Variants in HGF observed in about 807,000 individuals in gnomAD.
The protein encoded by HGF is fibroblast-derived tumor cytotoxic factor.
A neutral mutation model predicts 111.6 loss-of-function variants in HGF; 39 were observed. The ratio of observed to expected loss-of-function variants is 0.35; its 90% CI spans 0.27 to 0.46. The LOEUF (loss-of-function observed/expected upper bound fraction) is 0.46, where lower values mean the gene tolerates loss of function less well. Ranked by LOEUF, HGF falls within the 20% of genes least tolerant of loss-of-function variation. The pLI is 1.00. For synonymous variants in HGF, 285 were observed against 294.8 expected (o/e 0.97, Z 0.34); for missense variants, 735 against 910.5 (o/e 0.81, Z 2.48).
chr7:81,714,055 T>G (rs1047566935), intron 11 of HGF, among the ~76,000 whole-genome samples: 2 of 151,516 alleles, frequency 1.3e-5, no homozygotes, highest in African/African-American at 4.8e-5. Context: ...AACATGGACT[T>G]TTTCTGAAAA....
At chr7:81,717,165 C>T (rs1583930984) in intron 11 of HGF, 67 bp downstream of exon 11, 3 of 1,520,230 alleles carry the variant, frequency 2.0e-6, no homozygotes, top group Non-Finnish European at 1.8e-6. Context: ...ATATTATTTA[C>T]AACTTTTAGA....
chr7:81,763,844 C>G (rs1005886091), intron 1 of HGF, among the ~76,000 whole-genome samples: 1 of 152,082 alleles, frequency 6.6e-6, no homozygotes, highest in Admixed American at 6.6e-5. Context: ...AGGATACATT[C>G]ATTTTTCAGC....
intron 7 of HGF, among the ~76,000 whole-genome samples, chr7:81,731,770 A>G (rs1247767756): frequency 4.6e-5 from 7 of 152,206 alleles, no homozygotes; most frequent in Non-Finnish European, 8.8e-5. Context: ...TATATTTCAT[A>G]TCTAGTTATA....
intron 9 of HGF, among the ~76,000 whole-genome samples, chr7:81,721,488 T>G (rs1789861183): frequency 6.6e-6 from 1 of 152,220 alleles, no homozygotes; most frequent in Non-Finnish European, 1.5e-5. Flanking sequence ...CATTTTCTTC[T>G]GAAAAATTTC....
At chr7:81,723,814 A>G (rs1214395242) in intron 9 of HGF, among the ~76,000 whole-genome samples, 1 of 151,032 alleles carries the variant, frequency 6.6e-6, no homozygotes, top group Non-Finnish European at 1.5e-5. Context: ...AGATAGATAT[A>G]CACACATATA....
At chr7:81,749,600 CTT>C (rs1250003819) in intron 5 of HGF, among the ~76,000 whole-genome samples, 2 of 152,008 alleles carry the variant, frequency 1.3e-5, no homozygotes, top group Admixed American at 6.6e-5. Flanking sequence ...CATCTAGTCT[CTT>C]AGCATTTTTT....
At chr7:81,757,902 T>C (rs1475949605) in intron 3 of HGF, among the ~76,000 whole-genome samples, 2 of 152,058 alleles carry the variant, frequency 1.3e-5, no homozygotes, top group Admixed American at 6.6e-5. Flanking sequence ...AATGGTGTTA[T>C]ACTAGATCAT....
intron 1 of HGF, among the ~76,000 whole-genome samples, chr7:81,763,812 C>T (rs5745622): frequency 0.023 from 3,542 of 152,204 alleles, 123 homozygotes; most frequent in African/African-American, 0.081. Flanking sequence ...TCTTTTCAAA[C>T]ATGCTTATAC....
intron 1 of HGF, among the ~76,000 whole-genome samples, chr7:81,763,168 A>G (rs1789185293): frequency 6.6e-6 from 1 of 152,154 alleles, no homozygotes; most frequent in African/African-American, 2.4e-5. Context: ...ATAACATGAT[A>G]TTTTCCAAAC....
chr7:81,758,640 C>T lies in HGF; in HGVS notation c.367+52G>A, dbSNP rs1788902843. On this transcript the variant is annotated intron_variant, in intron 3 of 17. Coordinates refer to ENST00000222390, the MANE Select transcript of HGF (RefSeq NM_000601.6). ...ACTCTGGCAGGAAATTACAAACATA[C>T]ATTTCATTATACTTTATTTCATTAT... is the stretch of plus-strand genomic sequence containing the variant. 8.2e-6 allele frequency: 9 copies of T among 1,093,210 alleles called. No individual in the cohort carries two copies. In the East Asian group the frequency reaches 2.1e-4, roughly 26 times the overall value. 67.7% of individuals were successfully genotyped at this position (1,093,210 alleles called of 1,614,324 possible).
chr7:81,731,610 G>T (rs1787659330), intron 7 of HGF, among the ~76,000 whole-genome samples: 1 of 152,020 alleles, frequency 6.6e-6, no homozygotes, highest in South Asian at 2.1e-4. Flanking sequence ...AGGTCCTAAG[G>T]AACTATATTT....
intron 7 of HGF, among the ~76,000 whole-genome samples, chr7:81,730,408 T>C (rs1787607292): frequency 6.6e-6 from 1 of 152,204 alleles, no homozygotes; most frequent in Non-Finnish European, 1.5e-5. Flanking sequence ...TGAGCCAAGA[T>C]CGTGCCATTG....
intron 11 of HGF, 44 bp from the exon 12 acceptor site, chr7:81,711,563 A>T (rs1789571077): frequency 1.2e-6 from 1 of 831,238 alleles, no homozygotes; most frequent in South Asian, 1.5e-5. Context: ...TCATATATGC[A>T]TATATCTGTT....
At chr7:81,707,571 G>C (rs1183737679) in intron 13 of HGF, among the ~76,000 whole-genome samples, 1 of 152,052 alleles carries the variant, frequency 6.6e-6, no homozygotes, top group Non-Finnish European at 1.5e-5. Context: ...TTCATAATGT[G>C]ACTATAAATT....
At chr7:81,769,040 C>T (rs5745616) in intron 1 of HGF, among the ~76,000 whole-genome samples, 35,339 of 152,052 alleles carry the variant, frequency 0.23, 4,205 homozygotes, top group South Asian at 0.36. Flanking sequence ...TATTCCCCTG[C>T]GCCTACCCTT....
At chr7:81,739,191 T>A (rs1407095153) in intron 7 of HGF, among the ~76,000 whole-genome samples, 1 of 152,184 alleles carries the variant, frequency 6.6e-6, no homozygotes, top group Non-Finnish European at 1.5e-5. Context: ...AACCAATTTG[T>A]CATTATATAC....
At chr7:81,764,166 T>G (rs1789238031) in intron 1 of HGF, among the ~76,000 whole-genome samples, 1 of 151,846 alleles carries the variant, frequency 6.6e-6, no homozygotes, top group Non-Finnish European at 1.5e-5. Context: ...ACTAGCAGAG[T>G]GAGGTACCAA....
intron 5 of HGF, chr7:81,751,033 G>A (rs897842180): frequency 1.0e-6 from 1 of 984,772 alleles, no homozygotes; most frequent in African/African-American, 1.7e-5. Flanking sequence ...ATAAAGTCAA[G>A]GATTTCAAAT....
At chr7:81,720,991 A>AT in intron 9 of HGF, 144 bp from the exon 10 acceptor site, 1 of 625,164 alleles carries the variant, frequency 1.6e-6, no homozygotes, top group Non-Finnish European at 2.9e-6. Flanking sequence ...CACGCCTGTA[A>AT]TCCCAGCACT....
Sources: gnomAD v4.1 joint callset for allele counts (sites outside exome capture counted in the v4.1 genomes callset) on GRCh38, gnomAD v4.1.1 for gene constraint, MANE v1.5 for transcripts, NCBI Gene and HGNC (gene_info 2026-07-23, HGNC 2026-07-21) for gene names.